Variants in PHF8 observed in about 807,000 individuals in gnomAD.
PHF8 encodes the protein histone lysine demethylase PHF8.
Under a neutral mutation model 74.4 loss-of-function variants are expected in PHF8, and 9 were observed. The ratio of observed to expected loss-of-function variants is 0.12; its 90% CI spans 0.07 to 0.21. PHF8 has a LOEUF of 0.21. Ranked by LOEUF, PHF8 falls within the 10% of genes least tolerant of loss-of-function variation. The probability of loss-of-function intolerance (pLI) is 1.00; values close to 1 mark genes in which losing one functional copy is unlikely to be tolerated. For missense variants in PHF8, 478 were observed against 816.6 expected, an observed-to-expected ratio of 0.59 and a Z score of 5.05; for synonymous variants, 311 against 316.6, an observed-to-expected ratio of 0.98 and a Z score of 0.19.
chrX:53,940,579 G>A, intron 20 of PHF8, 63 bp from the exon 21 acceptor site: 4 of 785,495 alleles, frequency 5.1e-6, no homozygotes, highest in Non-Finnish European at 7.6e-6. Context: ...CCCAGGAAAG[G>A]AACTAACTAG....
intron 19 of PHF8, among the ~76,000 whole-genome samples, chrX:53,945,306 T>C (rs1451564631): frequency 2.0e-5 from 2 of 102,278 alleles, no homozygotes; most frequent in African/African-American, 3.6e-5. Flanking sequence ...GATTGCGCCA[T>C]TGCACTCCAG....
upstream of PHF8, among the ~76,000 whole-genome samples, chrX:54,046,190 A>G (rs1451425132): frequency 5.4e-5 from 6 of 111,045 alleles, no homozygotes; most frequent in African/African-American, 1.6e-4. Flanking sequence ...CAGATCCTCT[A>G]AAAGCGCTGG....
intron 20 of PHF8, 55 bp downstream of exon 20, chrX:53,944,079 G>A: frequency 1.7e-5 from 12 of 721,635 alleles, no homozygotes; most frequent in Admixed American, 2.3e-5. Context: ...TAAGTGTTGA[G>A]GCTCTAAGTC....
At chrX:53,956,544 A>C (rs1363001401) in intron 19 of PHF8, among the ~76,000 whole-genome samples, 1 of 111,868 alleles carries the variant, frequency 8.9e-6, no homozygotes, top group Non-Finnish European at 1.9e-5. Context: ...ATTATGCTTA[A>C]AAAATACAAG....
At chrX:53,979,666 C>A (rs1557097388) in intron 18 of PHF8, among the ~76,000 whole-genome samples, 1 of 111,989 alleles carries the variant, frequency 8.9e-6, no homozygotes, top group Non-Finnish European at 1.9e-5. Context: ...TTATTAATGT[C>A]ATTCACTGTA....
intron 2 of PHF8, among the ~76,000 whole-genome samples, chrX:54,034,656 C>A (rs1316808906): frequency 4.6e-5 from 5 of 109,261 alleles, no homozygotes; most frequent in African/African-American, 1.7e-4. Context: ...AACCCCGTTT[C>A]TACTAAAAAT....
At chrX:53,981,927 T>C (rs1323462885) in intron 18 of PHF8, among the ~76,000 whole-genome samples, 1 of 112,074 alleles carries the variant, frequency 8.9e-6, no homozygotes, top group Non-Finnish European at 1.9e-5. Flanking sequence ...ACAAACACCA[T>C]GCAATCCTTT....
At chrX:53,976,651 G>A (rs1403640869) in intron 18 of PHF8, among the ~76,000 whole-genome samples, 16 of 105,999 alleles carry the variant, frequency 1.5e-4, no homozygotes, top group Non-Finnish European at 2.9e-4. Flanking sequence ...AACAGCCAGT[G>A]GCATGCACCT....
chrX:54,027,330 T>C (rs2066282648), intron 2 of PHF8, among the ~76,000 whole-genome samples: 1 of 109,374 alleles, frequency 9.1e-6, no homozygotes, highest in Non-Finnish European at 1.9e-5. Flanking sequence ...TAAATAAACC[T>C]ACGAAGCTTG....
chrX:53,965,848 T>G (rs782510351), intron 18 of PHF8, among the ~76,000 whole-genome samples: 3 of 110,300 alleles, frequency 2.7e-5, no homozygotes, highest in African/African-American at 9.9e-5. Flanking sequence ...AAATTTCCAG[T>G]TTCCAACAAA....
chrX:54,037,869 C>T lies in PHF8; in HGVS notation c.98+4762G>A, dbSNP rs181457869. 3.6e-5 allele frequency among the ~76,000 whole-genome samples: 4 copies of T among 112,343 alleles called. No individual in the cohort carries two copies. The East Asian group carries it at 1.1e-3, about 31-fold the overall frequency. ...AACCATTTTATTTAAATCATCACAA[C>T]CTCTCAGGGAAACTAAGGCTTCACA... On this transcript the variant is annotated intron_variant, in intron 2 of 21. Coordinates refer to ENST00000338154, the MANE Select transcript of PHF8 (RefSeq NM_015107.3).
chrX:53,979,652 A>G (rs1557097381), intron 18 of PHF8, among the ~76,000 whole-genome samples: 1 of 112,250 alleles, frequency 8.9e-6, no homozygotes, highest in East Asian at 2.8e-4. Flanking sequence ...CAAAATTAGT[A>G]ATTTTATTAA....
intron 2 of PHF8, among the ~76,000 whole-genome samples, chrX:54,032,306 G>A (rs1026094057): frequency 9.0e-6 from 1 of 110,917 alleles, no homozygotes; most frequent in Non-Finnish European, 1.9e-5. Flanking sequence ...TGATCCTGCT[G>A]GTCTGGGAAC....
At chrX:53,947,703 T>A (rs782204770) in intron 19 of PHF8, among the ~76,000 whole-genome samples, 17 of 112,472 alleles carry the variant, frequency 1.5e-4, no homozygotes, top group African/African-American at 5.2e-4. Flanking sequence ...GAATATGGTA[T>A]AAATGACACT....
Position 53,997,576 on chromosome X carries a change from AATC to A in PHF8, c.1234-1797_1234-1795del, listed in dbSNP as rs782543648. On this transcript the variant is annotated intron_variant, in intron 11 of 21. Coordinates refer to ENST00000338154, the MANE Select transcript of PHF8 (RefSeq NM_015107.3). ...TGAGGGAGCAGGTTCCTCCCCTACAAATCATCTGCACTTCACAAAAGACTCCTT... is the reference window on the plus strand; with the variant it reads ...TGAGGGAGCAGGTTCCTCCCCTACAAATCTGCACTTCACAAAAGACTCCTT... 3.8e-3 allele frequency among the ~76,000 whole-genome samples: 424 copies of A among 111,210 alleles called. 1 individual carries two copies. Among genetic ancestry groups the A allele is most frequent in the African/African-American group, 0.013 (403 of 30,535 alleles).
intron 2 of PHF8, among the ~76,000 whole-genome samples, chrX:54,026,156 C>CA (rs2066262902): frequency 9.0e-6 from 1 of 110,689 alleles, no homozygotes; most frequent in South Asian, 3.8e-4. Context: ...GAGTTCAAGA[C>CA]CAGCCTGGTC....
chrX:54,008,617 G>T (rs1557105942), intron 8 of PHF8, among the ~76,000 whole-genome samples: 1 of 108,372 alleles, frequency 9.2e-6, no homozygotes. Context: ...CTTCAGCTTG[G>T]GAGGTAGAGG....
intron 19 of PHF8, among the ~76,000 whole-genome samples, chrX:53,945,277 G>A (rs1035458789): frequency 9.5e-6 from 1 of 105,572 alleles, no homozygotes; most frequent in Non-Finnish European, 1.9e-5. Context: ...CCTGGGAGGC[G>A]GAGCTTGCAG....
chrX:54,013,295 A>G (rs2066010098), intron 7 of PHF8, among the ~76,000 whole-genome samples: 1 of 111,907 alleles, frequency 8.9e-6, no homozygotes, highest in Admixed American at 9.5e-5. Flanking sequence ...TCCTGACTTT[A>G]AAAAGACTTC....
Sources: gnomAD v4.1 joint callset for allele counts (sites outside exome capture counted in the v4.1 genomes callset) on GRCh38, gnomAD v4.1.1 for gene constraint, MANE v1.5 for transcripts, NCBI Gene and HGNC (gene_info 2026-07-23, HGNC 2026-07-21) for gene names.